Variants in PTPRS observed in about 807,000 individuals in gnomAD.
The protein encoded by PTPRS is receptor-type tyrosine-protein phosphatase S.
A neutral mutation model predicts 215.3 loss-of-function variants in PTPRS; 63 were observed. That is an observed-to-expected ratio of 0.29 (90% CI 0.24 to 0.36). The LOEUF (loss-of-function observed/expected upper bound fraction) is 0.36, where lower values mean the gene tolerates loss of function less well. PTPRS is among the 10% of genes least tolerant of loss of function. The probability of loss-of-function intolerance (pLI) is 1.00; values close to 1 mark genes in which losing one functional copy is unlikely to be tolerated. For synonymous variants in PTPRS, 1,404 were observed against 1,191.4 expected, an observed-to-expected ratio of 1.18 and a Z score of -3.68; for missense variants, 2,258 against 2,825.8, an observed-to-expected ratio of 0.80 and a Z score of 4.56.
chr19:5,221,003 A>G lies in PTPRS; in HGVS notation c.3452T>C (p.Val1151Ala). 6.2e-7 allele frequency: 1 copy of G among 1,608,186 alleles called. No homozygotes were observed. The highest frequency in any genetic ancestry group is 8.5e-7 in the Non-Finnish European group (1 of 1,176,608). Residue 1151 changes from valine (V) to alanine (A), a missense_variant, in exon 20 of 38, where the codon GTC becomes GCC. Physicochemically the swap from Val to Ala is moderately conservative, Grantham distance 64. Coordinates refer to ENST00000262963, the MANE Select transcript of PTPRS (RefSeq NM_002850.4). ...CGGAGCATGGGGGTGAGCATACTGG[A>G]CAGGCACGGGGCTCTGGCCGTCAGG... ...YLPDGQSPVPVQSYFIVMVPL... is the reference protein window; with the variant it reads ...YLPDGQSPVPAQSYFIVMVPL...
At chr19:5,292,925 G>C (rs1028231224) in intron 1 of PTPRS, 5 of 152,234 alleles carry the variant, frequency 3.3e-5, no homozygotes, top group African/African-American at 1.2e-4. Context: ...ACGGTCTGGA[G>C]TTTTCCAAAG....
At chr19:5,252,381 A>T (rs2146137164) in intron 9 of PTPRS, among the ~76,000 whole-genome samples, 1 of 152,202 alleles carries the variant, frequency 6.6e-6, no homozygotes, top group Admixed American at 6.5e-5. Context: ...GTTTGAGACC[A>T]GCCTGGCCAA....
At chr19:5,314,097 C>T (rs549259999) in intron 1 of PTPRS, among the ~76,000 whole-genome samples, 1 of 151,770 alleles carries the variant, frequency 6.6e-6, no homozygotes, top group Non-Finnish European at 1.5e-5. Flanking sequence ...CAATCACAGC[C>T]ACTGCATTCC....
At chr19:5,319,394 C>T (rs916574018) in intron 1 of PTPRS, among the ~76,000 whole-genome samples, 8 of 150,408 alleles carry the variant, frequency 5.3e-5, no homozygotes, top group Middle Eastern at 3.2e-3. Flanking sequence ...CCAGCCTGGA[C>T]GACAGAGCCA....
chr19:5,277,691 C>A, intron 2 of PTPRS: 1 of 541,768 alleles, frequency 1.8e-6, no homozygotes, highest in Non-Finnish European at 3.4e-6. Flanking sequence ...CTCCCTTCCT[C>A]GGCGCTGCCT....
At chr19:5,288,005 CACACAA>C (rs1382127456) in intron 1 of PTPRS, among the ~76,000 whole-genome samples, 3 of 124,420 alleles carry the variant, frequency 2.4e-5, no homozygotes, top group African/African-American at 6.0e-5. Context: ...CACACACACA[CACACAA>C]TCAGGCAAAT....
At chr19:5,214,138 C>T (rs1440032093) in intron 30 of PTPRS, among the ~76,000 whole-genome samples, 12 of 152,194 alleles carry the variant, frequency 7.9e-5, no homozygotes, top group South Asian at 2.1e-4. Flanking sequence ...TGGGCTCTGC[C>T]GGCTTTGTTC....
At chr19:5,274,690 T>C (rs376366783) in intron 2 of PTPRS, among the ~76,000 whole-genome samples, 2 of 151,708 alleles carry the variant, frequency 1.3e-5, no homozygotes, top group African/African-American at 2.4e-5. Context: ...CTGGGAAAGA[T>C]GGAAGGGGAA....
intron 1 of PTPRS, among the ~76,000 whole-genome samples, chr19:5,305,938 T>A (rs866285812): frequency 2.9e-4 from 1 of 3,498 alleles, no homozygotes; most frequent in Non-Finnish European, 3.8e-4. Flanking sequence ...AGACTCCGTC[T>A]CAAAAAAAAA....
rs560840235 is a variant in PTPRS at position 5,244,732 on chromosome 19, C to T, written c.989-250G>A. 6.6e-5 allele frequency among the ~76,000 whole-genome samples: 10 copies of T among 152,268 alleles called. No homozygotes were observed. Among genetic ancestry groups the T allele is most frequent in the Non-Finnish European group, 1.2e-4 (8 of 68,000 alleles). ...TCTCACTCTGTCACCCACAGTGGCA[C>T]GATCTCGGCTCACTGCAAGCTCCGT... On this transcript the variant is annotated intron_variant, in intron 10 of 37. Transcript: ENST00000262963. This position sits in a 1 kb window ranked among gnomAD's most constrained non-coding sequence, Gnocchi z 7.2.
intron 1 of PTPRS, among the ~76,000 whole-genome samples, chr19:5,289,176 C>T (rs984610310): frequency 1.3e-5 from 2 of 152,148 alleles, no homozygotes; most frequent in Non-Finnish European, 2.9e-5. Context: ...TGCACACCCA[C>T]AATCCTCCCA....
At chr19:5,218,836 A>T (rs1036980295) in intron 23 of PTPRS, 38 bp from the exon 24 acceptor site, 1 of 1,574,352 alleles carries the variant, frequency 6.4e-7, no homozygotes, top group African/African-American at 1.4e-5. Flanking sequence ...AAGGGGGAAA[A>T]AAAGAAGAAA....
rs1289008986 is a variant in PTPRS, at chr19:5,338,761, C to CCT, written c.-95+1901_-95+1902dup. On this transcript the variant is annotated intron_variant, in intron 1 of 37. Transcript: ENST00000262963. This position sits in a 1 kb window ranked among gnomAD's most constrained non-coding sequence, Gnocchi z 4.2. ...TGCAAATGGCAGATTCGACCAAGTCCCTGGGCCATTAATAAACGCTCCAGC... is the reference window on the plus strand; with the variant it reads ...TGCAAATGGCAGATTCGACCAAGTCCCTCTGGGCCATTAATAAACGCTCCAGC... 2.0e-5 allele frequency among the ~76,000 whole-genome samples: 3 copies of CCT among 152,130 alleles called. No individual in the cohort carries two copies. The highest frequency in any genetic ancestry group is 4.4e-5 in the Non-Finnish European group (3 of 68,014).
In PTPRS at chr19:5,223,064, G is replaced by A. The variant is rs1369452734; in HGVS notation, c.2728C>T (p.Arg910Cys). ...GCTGCCTCCTCGCCCAGGCCGCCGC[G>A]GCTCCGGGCCGCAAGCCGGAACACA... is the stretch of plus-strand genomic sequence containing the variant. ...TYVFRLAARS[R>C]GGLGEEAAEV... is the part of the protein sequence containing the mutation. Residue 910 changes from arginine (R) to cysteine (C), a missense_variant, in exon 18 of 38, where the codon CGC becomes TGC. Transcript: ENST00000262963. The A allele has an allele frequency of 9.0e-6, 14 of 1,553,280 alleles. No homozygotes were observed. The highest frequency in any genetic ancestry group is 3.5e-5 in the South Asian group (3 of 84,644).
intron 37 of PTPRS, among the ~76,000 whole-genome samples, 164 bp downstream of exon 37, chr19:5,207,758 G>C (rs2040496550): frequency 6.6e-6 from 1 of 152,194 alleles, no homozygotes; most frequent in South Asian, 2.1e-4. Flanking sequence ...GTGTTAAAAG[G>C]GTTACTGGTC....
Position 5,210,926 on chromosome 19 carries a change from T to C in PTPRS, c.5235-121A>G. 7.4e-7 allele frequency: 1 copy of C among 1,345,392 alleles called. No individual in the cohort carries two copies. The highest frequency in any genetic ancestry group is 9.9e-7 in the Non-Finnish European group (1 of 1,005,702). 83.3% of individuals were successfully genotyped at this position (1,345,392 alleles called of 1,614,324 possible). A position where few individuals can be genotyped will look rare whatever the true frequency, so the allele number is the denominator to read the frequency against. On this transcript the variant is annotated intron_variant, in intron 33 of 37. Coordinates refer to ENST00000262963, the MANE Select transcript of PTPRS (RefSeq NM_002850.4). This position sits in a 1 kb window ranked among gnomAD's most constrained non-coding sequence, Gnocchi z 4.5. ...CAGCTACACCTACCACCCCACTGCC[T>C]GCCAGGAATGGCTGCTGGGTGCACC...
chr19:5,239,174 A>G, intron 12 of PTPRS, 111 bp from the exon 13 acceptor site: 1 of 717,830 alleles, frequency 1.4e-6, no homozygotes, highest in Non-Finnish European at 2.3e-6. Flanking sequence ...GGAGAGAGAG[A>G]GAGAGAGAGA....
In PTPRS at chr19:5,238,905, C is replaced by T. The variant is rs199842454; in HGVS notation, c.1849+14G>A. Reference sequence around the variant, plus strand: ...TCCCTCCCGCAGAGAAGGGCGGCCCCGCGAGACACCTACTGGACTGCAGCG... The same window carrying T: ...TCCCTCCCGCAGAGAAGGGCGGCCCTGCGAGACACCTACTGGACTGCAGCG... On this transcript the variant is annotated intron_variant, in intron 13 of 37. Transcript: ENST00000262963. The T allele has an allele frequency of 2.2e-4, 341 of 1,576,612 alleles. No homozygotes were observed. In the African/African-American group the frequency reaches 3.8e-3, roughly 18 times the overall value.
chr19:5,270,709 C>T (rs898847717), intron 4 of PTPRS, among the ~76,000 whole-genome samples: 2 of 152,178 alleles, frequency 1.3e-5, no homozygotes, highest in South Asian at 2.1e-4. Flanking sequence ...GCAATCTCAG[C>T]TCACTGCAGC....
Sources: allele counts gnomAD v4.1 joint callset (sites outside exome capture counted in the v4.1 genomes callset), GRCh38; gene constraint gnomAD v4.1.1; non-coding constraint Gnocchi (gnomAD v3.1); transcripts MANE v1.5; gene names NCBI Gene and HGNC (gene_info 2026-07-23, HGNC 2026-07-21).